Variants in DCDC1 observed in about 807,000 individuals in gnomAD.
DCDC1 encodes doublecortin domain-containing protein 1.
In DCDC1, 200 loss-of-function variants were observed where a neutral mutation model predicts 178.3. The observed-to-expected ratio is 1.12, with a 90% confidence interval of 1.00 to 1.26. The LOEUF (loss-of-function observed/expected upper bound fraction) is 1.26, where lower values mean the gene tolerates loss of function less well. Ranked by LOEUF, DCDC1 falls within the 50% of genes most tolerant of loss-of-function variation. The pLI, the probability that DCDC1 is intolerant of heterozygous loss-of-function variation, is 0.00. For synonymous variants in DCDC1, 690 were observed against 604.8 expected (o/e 1.14, Z -2.07); for missense variants, 1,983 against 1,749.2 (o/e 1.13, Z -2.38).
rs1217282971 is a variant in DCDC1 at position 30,881,236 on chromosome 11, G to T, written c.5155C>A (p.Pro1719Thr). The T allele has an allele frequency of 6.2e-7, 1 of 1,613,556 alleles. No homozygotes were observed. The highest frequency in any genetic ancestry group is 1.7e-4 in the Middle Eastern group (1 of 6,054). ...TCTATGTCGTCCCAGGACTGAATTGGCTCTCCACTGGGGGTGTACAGTGCT... is the reference window on the plus strand; with the variant it reads ...TCTATGTCGTCCCAGGACTGAATTGTCTCTCCACTGGGGGTGTACAGTGCT... ...ARALYTPSGE[P>T]IQSWDDIERD... is the part of the protein sequence containing the mutation. Residue 1719 changes from proline (P) to threonine (T), a missense_variant, in exon 37 of 39, where the codon CCA (proline) becomes ACA (threonine). Transcript: ENST00000684477.
rs369282292 is a variant in DCDC1, at chr11:30,915,505, G to A, written c.3653+6C>T. On this transcript the variant is annotated splice_donor_region_variant and intron_variant, in intron 27 of 38. Coordinates refer to ENST00000684477, the MANE Select transcript of DCDC1 (RefSeq NM_001387274.1). ...GATATAGTAAACCCAAATATAATGG[G>A]ATTACCTGCTGTCTTCCTGGTGTAT... is the stretch of plus-strand genomic sequence containing the variant. The A allele has an allele frequency of 8.2e-5, 133 of 1,613,644 alleles. No homozygotes were observed. In the Middle Eastern group the frequency reaches 2.5e-3, roughly 30 times the overall value.
At chr11:31,023,734 C>T (rs1048297831) in intron 20 of DCDC1, among the ~76,000 whole-genome samples, 14 of 151,358 alleles carry the variant, frequency 9.2e-5, no homozygotes, top group African/African-American at 2.7e-4. Context: ...ATATATAAAT[C>T]GAAAAACTTA....
intron 7 of DCDC1, chr11:31,280,648 A>G (rs1946357348): frequency 2.0e-6 from 1 of 489,792 alleles, no homozygotes; most frequent in Admixed American, 2.4e-5. Context: ...TTTTGTAATA[A>G]ATAAGGCAGT....
chr11:31,134,297 G>C (rs981364947), intron 10 of DCDC1, among the ~76,000 whole-genome samples: 1 of 152,186 alleles, frequency 6.6e-6, no homozygotes, highest in African/African-American at 2.4e-5. Flanking sequence ...CTAACTCCAA[G>C]AGCATAAGTG....
At chr11:31,079,948 G>A (rs1343267521) in intron 17 of DCDC1, among the ~76,000 whole-genome samples, 2 of 152,080 alleles carry the variant, frequency 1.3e-5, no homozygotes, top group African/African-American at 4.8e-5. Flanking sequence ...TAATAGTTAT[G>A]TAAAAGTGTT....
chr11:30,902,063 T>C (rs1002053619), intron 32 of DCDC1, among the ~76,000 whole-genome samples: 6 of 152,138 alleles, frequency 3.9e-5, no homozygotes, highest in Non-Finnish European at 7.4e-5. Context: ...CACATATATA[T>C]GTGTTCAAGT....
chr11:31,225,578 A>G (rs910005753), intron 9 of DCDC1, among the ~76,000 whole-genome samples: 18 of 150,700 alleles, frequency 1.2e-4, no homozygotes, highest in African/African-American at 4.4e-4. Context: ...TTATATATAC[A>G]TATGCATACA....
intron 5 of DCDC1, 142 bp from the exon 6 acceptor site, chr11:31,305,919 T>C: frequency 9.8e-7 from 1 of 1,018,680 alleles, no homozygotes; most frequent in Non-Finnish European, 1.4e-6. Flanking sequence ...CAGTTGAAAA[T>C]ATAGAAATAA....
intron 36 of DCDC1, among the ~76,000 whole-genome samples, chr11:30,887,472 C>T (rs1005639167): frequency 6.6e-6 from 1 of 152,104 alleles, no homozygotes; most frequent in Non-Finnish European, 1.5e-5. Context: ...TGTAGCCTAA[C>T]GTTAACTTTG....
chr11:31,278,549 C>T (rs1395765217), intron 7 of DCDC1, among the ~76,000 whole-genome samples: 2 of 152,010 alleles, frequency 1.3e-5, no homozygotes, highest in Non-Finnish European at 2.9e-5. Context: ...GGCTAAAGTA[C>T]ACAAAATTTC....
At position 31,129,887 on chromosome 11, in the gene DCDC1, T is replaced by C. The variant is rs141888217; in HGVS notation, c.1315-2248A>G. ...CTAAGACCCTTTATAATCTGATCTC[T>C]ACCTGGCTTTATGGCTCATATTCCC... is the stretch of plus-strand genomic sequence containing the variant. On this transcript the variant is annotated intron_variant, in intron 10 of 38. Transcript: ENST00000684477. Among the ~76,000 whole-genome samples, 47 of 152,246 alleles carry C rather than the reference T, an allele frequency of 3.1e-4. No individual in the cohort carries two copies. In the South Asian group the frequency reaches 3.5e-3, roughly 11 times the overall value.
chr11:31,259,727 C>T (rs1037747775), intron 8 of DCDC1, among the ~76,000 whole-genome samples: 2 of 152,144 alleles, frequency 1.3e-5, no homozygotes, highest in Non-Finnish European at 2.9e-5. Flanking sequence ...TAACTAATGC[C>T]TTAATGGGAG....
chr11:30,981,781 G>C (rs1465422928), intron 20 of DCDC1, among the ~76,000 whole-genome samples: 1 of 152,088 alleles, frequency 6.6e-6, no homozygotes, highest in African/African-American at 2.4e-5. Flanking sequence ...TAAAATCTAT[G>C]CTAAAGTTAT....
chr11:31,184,094 G>A (rs1969178406), intron 9 of DCDC1, among the ~76,000 whole-genome samples: 1 of 152,110 alleles, frequency 6.6e-6, no homozygotes, highest in South Asian at 2.1e-4. Flanking sequence ...CAGATATACA[G>A]ACCAATGGAA....
chr11:30,934,233 G>T (rs1947121211), intron 21 of DCDC1, among the ~76,000 whole-genome samples: 1 of 152,130 alleles, frequency 6.6e-6, no homozygotes, highest in African/African-American at 2.4e-5. Context: ...ACCCCCTAGG[G>T]ACTCCTATCA....
intron 9 of DCDC1, among the ~76,000 whole-genome samples, chr11:31,240,481 T>G (rs575878103): frequency 6.6e-6 from 1 of 152,150 alleles, no homozygotes; most frequent in African/African-American, 2.4e-5. Flanking sequence ...ATACAAGTTG[T>G]TCTTTTCCAA....
intron 1 of DCDC1, among the ~76,000 whole-genome samples, chr11:31,351,114 A>G (rs1253691267): frequency 1.3e-5 from 2 of 152,088 alleles, no homozygotes; most frequent in African/African-American, 2.4e-5. Flanking sequence ...CTGATTTTTT[A>G]TAACAAGGAA....
At chr11:31,326,920 C>T (rs11031356) in intron 3 of DCDC1, among the ~76,000 whole-genome samples, 14,712 of 152,076 alleles carry the variant, frequency 0.097, 1,956 homozygotes, top group African/African-American at 0.3. Flanking sequence ...CAATGTATGA[C>T]AAATATCTTT....
intron 21 of DCDC1, among the ~76,000 whole-genome samples, chr11:30,948,219 C>G (rs1460297482): frequency 6.6e-6 from 1 of 152,058 alleles, no homozygotes; most frequent in Non-Finnish European, 1.5e-5. Context: ...AATAGACAAG[C>G]AGAGAGCCAA....
Sources: gnomAD v4.1 joint callset for allele counts (sites outside exome capture counted in the v4.1 genomes callset) on GRCh38, gnomAD v4.1.1 for gene constraint, MANE v1.5 for transcripts, NCBI Gene and HGNC (gene_info 2026-07-23, HGNC 2026-07-21) for gene names.